The following VAMP7 variants were observed in gnomAD, a reference collection of about 807,000 sequenced individuals.
VAMP7 encodes the protein vesicle-associated membrane protein 7.
VAMP7 carries 14 observed loss-of-function variants against 29.6 expected under a neutral mutation model. The observed-to-expected ratio is 0.47, with a 90% CI of 0.31 to 0.74. The LOEUF is 0.74. Ranked by LOEUF, VAMP7 falls within the 30% of genes least tolerant of loss-of-function variation. VAMP7 has a pLI of 0.05. For missense variants in VAMP7, 223 were observed against 262.4 expected, an observed-to-expected ratio of 0.85 and a Z score of 1.04; for synonymous variants, 95 against 88.1, an observed-to-expected ratio of 1.08 and a Z score of -0.44.
In VAMP7 at chrX:155,892,279, C is replaced by T. The variant is rs149626467; in HGVS notation, c.146+2667C>T. Among the ~76,000 whole-genome samples the T allele has an allele frequency of 7.8e-3, 1,189 of 152,152 alleles. 18 individuals carry two copies. Among genetic ancestry groups the T allele is most frequent in the African/African-American group, 0.027 (1,128 of 41,500 alleles). On this transcript the variant is annotated intron_variant, in intron 2 of 7. Coordinates refer to ENST00000286448, the MANE Select transcript of VAMP7 (RefSeq NM_005638.6). ...TCCTTGTAAACTTTTGCTCACTTTA[C>T]AGGTCCCAAGCGAAATACTTTCTTA... is the stretch of plus-strand genomic sequence containing the variant.
chrX:155,899,698 C>G (rs1184862960), intron 4 of VAMP7, among the ~76,000 whole-genome samples: 2 of 151,950 alleles, frequency 1.3e-5, no homozygotes, highest in African/African-American at 4.8e-5. Context: ...CTACCCACAA[C>G]AAAAATACCA....
Position 155,935,908 on chromosome X carries a change from T to A in VAMP7, c.502-3793T>A, listed in dbSNP as rs778250653. ...GGATGTCCTTTCTGTTTGTTAGTTTTCCTTCTAACAGTCAGGACCCTCAGC... is the reference window on the plus strand; with the variant it reads ...GGATGTCCTTTCTGTTTGTTAGTTTACCTTCTAACAGTCAGGACCCTCAGC... On this transcript the variant is annotated intron_variant, in intron 6 of 7. Coordinates refer to ENST00000286448, the MANE Select transcript of VAMP7 (RefSeq NM_005638.6). 3.9e-5 allele frequency among the ~76,000 whole-genome samples: 6 copies of A among 152,326 alleles called. No individual in the cohort carries two copies. The South Asian group carries it at 1.2e-3, about 32-fold the overall frequency.
intron 6 of VAMP7, among the ~76,000 whole-genome samples, chrX:155,936,034 T>C (rs1397815405): frequency 6.6e-6 from 1 of 151,304 alleles, no homozygotes; most frequent in East Asian, 2.0e-4. Flanking sequence ...GAACACCAAA[T>C]GTTGCTCTCT....
chrX:155,922,573 AC>A (rs1287105519), intron 6 of VAMP7, among the ~76,000 whole-genome samples: 1 of 151,982 alleles, frequency 6.6e-6, no homozygotes, highest in Non-Finnish European at 1.5e-5. Flanking sequence ...ATGACTTACT[AC>A]CCTTCTTATA....
intron 2 of VAMP7, among the ~76,000 whole-genome samples, chrX:155,889,950 G>A (rs2065907336): frequency 6.6e-6 from 1 of 152,098 alleles, no homozygotes; most frequent in South Asian, 2.1e-4. Context: ...TATTTACTGA[G>A]CACTTAACTA....
intron 2 of VAMP7, among the ~76,000 whole-genome samples, chrX:155,890,636 C>T (rs1315194898): frequency 6.6e-6 from 1 of 152,172 alleles, no homozygotes; most frequent in African/African-American, 2.4e-5. Flanking sequence ...GTTGGGATTA[C>T]AGGCGTGAGC....
intron 6 of VAMP7, among the ~76,000 whole-genome samples, chrX:155,934,352 T>A (rs2066613259): frequency 6.6e-6 from 1 of 152,180 alleles, no homozygotes; most frequent in South Asian, 2.1e-4. Context: ...TTTGTAGGTC[T>A]CTAAGGACTT....
At chrX:155,938,566 A>G (rs2066697169) in intron 6 of VAMP7, among the ~76,000 whole-genome samples, 2 of 152,236 alleles carry the variant, frequency 1.3e-5, no homozygotes, top group South Asian at 4.2e-4. Flanking sequence ...TAGAGCACGA[A>G]CAGTACCCCA....
chrX:155,933,782 T>C (rs894319085), intron 6 of VAMP7, among the ~76,000 whole-genome samples: 3 of 152,214 alleles, frequency 2.0e-5, no homozygotes, highest in Non-Finnish European at 4.4e-5. Flanking sequence ...GTTCTTTTAA[T>C]TGTGATGTTA....
intron 5 of VAMP7, among the ~76,000 whole-genome samples, chrX:155,919,191 G>A (rs912173564): frequency 6.6e-6 from 1 of 152,152 alleles, no homozygotes; most frequent in Non-Finnish European, 1.5e-5. Context: ...GTTCTCCAGT[G>A]AAGCCAGCTG....
intron 6 of VAMP7, among the ~76,000 whole-genome samples, chrX:155,926,316 T>C (rs1374879387): frequency 6.6e-6 from 1 of 152,236 alleles, no homozygotes; most frequent in Non-Finnish European, 1.5e-5. Context: ...TATAGCCACC[T>C]TTATCAATGA....
At chrX:155,881,749 A>G (rs2065804339) in intron 1 of VAMP7, among the ~76,000 whole-genome samples, 1 of 152,142 alleles carries the variant, frequency 6.6e-6, no homozygotes, top group Non-Finnish European at 1.5e-5. Flanking sequence ...GTAGCATTTA[A>G]ATCTCTTGAG....
At chrX:155,899,069 T>G (rs972653223) in intron 4 of VAMP7, among the ~76,000 whole-genome samples, 9 of 152,218 alleles carry the variant, frequency 5.9e-5, no homozygotes, top group African/African-American at 2.2e-4. Flanking sequence ...GCTTCCAGTT[T>G]TCAGCTATCA....
chrX:155,930,010 G>T (rs1038321698), intron 6 of VAMP7, among the ~76,000 whole-genome samples: 2 of 152,192 alleles, frequency 1.3e-5, no homozygotes. Context: ...AAGGGAAAAA[G>T]TACATAGGGT....
At position 155,943,269 on chromosome X, in the gene VAMP7, T is replaced by C. The variant is rs1437449286; in HGVS notation, c.*1318T>C. The C allele has an allele frequency of 2.0e-5, 3 of 152,056 alleles. No individual in the cohort carries two copies. Among genetic ancestry groups the C allele is most frequent in the African/African-American group, 4.8e-5 (2 of 41,240 alleles). The allele number at this position is 152,056 out of a possible 1,614,324, so 9.4% of individuals were successfully genotyped here. A position where few individuals can be genotyped will look rare whatever the true frequency, so the allele number is the denominator to read the frequency against. ...CTTTCTCAATGAATGAACAAATTAG[T>C]CTGTAGAATCTAGCCACCTGTTTAG... On this transcript the variant is annotated 3_prime_UTR_variant, in exon 8 of 8. Transcript: ENST00000286448.
At chrX:155,938,483 A>G (rs1334410987) in intron 6 of VAMP7, among the ~76,000 whole-genome samples, 2 of 152,160 alleles carry the variant, frequency 1.3e-5, no homozygotes, top group East Asian at 3.8e-4. Context: ...AAGTGCATCA[A>G]CTGTAAGCAT....
At chrX:155,900,384 A>G in intron 4 of VAMP7, 113 bp from the exon 5 acceptor site, 1 of 802,828 alleles carries the variant, frequency 1.2e-6, no homozygotes, top group Non-Finnish European at 1.9e-6. Flanking sequence ...TTTTATATCA[A>G]TAGAGACATA....
At chrX:155,901,659 T>G (rs1159780018) in intron 5 of VAMP7, among the ~76,000 whole-genome samples, 1 of 152,124 alleles carries the variant, frequency 6.6e-6, no homozygotes, top group Admixed American at 6.5e-5. Context: ...TTTTCTTAGG[T>G]TTGTCAAAGA....
intron 1 of VAMP7, among the ~76,000 whole-genome samples, chrX:155,882,894 C>T (rs1300197048): frequency 1.3e-5 from 2 of 152,180 alleles, no homozygotes; most frequent in African/African-American, 2.4e-5. Flanking sequence ...GAGAAATAAT[C>T]CTAACAGTAT....
Sources: gnomAD v4.1 joint callset for allele counts (sites outside exome capture counted in the v4.1 genomes callset) on GRCh38, gnomAD v4.1.1 for gene constraint, MANE v1.5 for transcripts, NCBI Gene and HGNC (gene_info 2026-07-23, HGNC 2026-07-21) for gene names.